The following LTBP1 variants were observed in gnomAD, a reference collection of about 807,000 sequenced individuals.
The protein encoded by LTBP1 is latent-transforming growth factor beta-binding protein 1.
LTBP1 carries 129 observed loss-of-function variants against 207.6 expected under a neutral mutation model. The observed-to-expected ratio is 0.62, with a 90% CI of 0.54 to 0.72. The LOEUF (loss-of-function observed/expected upper bound fraction) is 0.72. LTBP1 is among the 30% of genes least tolerant of loss of function. The pLI is 0.00. For missense variants in LTBP1, 2,281 were observed against 2,217.2 expected, an observed-to-expected ratio of 1.03 and a Z score of -0.58; for synonymous variants, 963 against 833.7, an observed-to-expected ratio of 1.16 and a Z score of -2.67.
chr2:33,227,116 A>T (rs1286231631), intron 9 of LTBP1, among the ~76,000 whole-genome samples: 1 of 151,560 alleles, frequency 6.6e-6, no homozygotes, highest in Non-Finnish European at 1.5e-5. Context: ...GCTCACTGCA[A>T]CCTCCGCTTC....
rs567587290 is a variant in LTBP1, at chr2:33,389,127, G to A, written c.4712-57G>A. ...TCCCGTTGCTCTGAGCTGCGAGGGGGTGGGGCAGGTGCGAGCTAACAGTGG... is the reference window on the plus strand; with the variant it reads ...TCCCGTTGCTCTGAGCTGCGAGGGGATGGGGCAGGTGCGAGCTAACAGTGG... On this transcript the variant is annotated intron_variant, in intron 31 of 33. Transcript: ENST00000404816. 16 of 1,609,848 alleles carry A rather than the reference G, an allele frequency of 9.9e-6. No individual in the cohort carries two copies. In the African/African-American group the frequency reaches 1.7e-4, roughly 17 times the overall value.
intron 18 of LTBP1, among the ~76,000 whole-genome samples, chr2:33,277,969 A>G (rs1388488720): frequency 6.6e-6 from 1 of 150,606 alleles, no homozygotes; most frequent in Non-Finnish European, 1.5e-5. Context: ...AGCTGGGACT[A>G]CAGGTGACCG....
At chr2:33,201,333 G>T (rs993953574) in intron 7 of LTBP1, among the ~76,000 whole-genome samples, 13 of 151,986 alleles carry the variant, frequency 8.6e-5, no homozygotes, top group East Asian at 3.9e-4. Context: ...TGTAGGGACA[G>T]GGATGAAATT....
chr2:33,083,645 C>T (rs1480061198), intron 3 of LTBP1, among the ~76,000 whole-genome samples: 8 of 152,142 alleles, frequency 5.3e-5, no homozygotes, highest in Non-Finnish European at 7.3e-5. Context: ...TAGTACAGCT[C>T]GTGCCCTGTG....
chr2:33,389,035 C>T, intron 31 of LTBP1, 149 bp from the exon 32 acceptor site: 1 of 1,092,490 alleles, frequency 9.2e-7, no homozygotes, highest in Non-Finnish European at 1.3e-6. Context: ...AAAAGATATT[C>T]AGACACTTTC....
chr2:32,991,376 A>G (rs184119737), intron 2 of LTBP1, among the ~76,000 whole-genome samples: 1 of 152,346 alleles, frequency 6.6e-6, no homozygotes, highest in East Asian at 1.9e-4. Flanking sequence ...TTTTCTTGAA[A>G]TATAGTTGTT....
chr2:33,166,147 T>C (rs1365020060), intron 5 of LTBP1, among the ~76,000 whole-genome samples: 1 of 152,022 alleles, frequency 6.6e-6, no homozygotes, highest in African/African-American at 2.4e-5. Flanking sequence ...GGTAAATTTA[T>C]TAGTTTATAA....
intron 19 of LTBP1, among the ~76,000 whole-genome samples, chr2:33,289,568 G>C (rs1313196465): frequency 2.0e-5 from 3 of 152,050 alleles, no homozygotes; most frequent in African/African-American, 7.2e-5. Flanking sequence ...GGCTTGCTGT[G>C]GTGGCCAGAC....
At chr2:33,340,726 T>C (rs1020849315) in intron 24 of LTBP1, among the ~76,000 whole-genome samples, 3 of 152,230 alleles carry the variant, frequency 2.0e-5, no homozygotes, top group African/African-American at 7.2e-5. Flanking sequence ...ACATGTACTA[T>C]ATTGGATGTC....
At chr2:33,250,720 G>A (rs557147022) in intron 10 of LTBP1, among the ~76,000 whole-genome samples, 133 of 152,304 alleles carry the variant, frequency 8.7e-4, no homozygotes, top group African/African-American at 3.1e-3. Context: ...GCTCATGCAT[G>A]CTGGGTCCCA....
At chr2:33,309,113 T>C (rs2094142606) in intron 22 of LTBP1, among the ~76,000 whole-genome samples, 1 of 151,878 alleles carries the variant, frequency 6.6e-6, no homozygotes. Flanking sequence ...TGAAACCCCA[T>C]CTCTACTAAA....
At chr2:33,104,457 T>G (rs2079937306) in intron 3 of LTBP1, among the ~76,000 whole-genome samples, 1 of 152,228 alleles carries the variant, frequency 6.6e-6, no homozygotes, top group East Asian at 1.9e-4. Context: ...TGGTTTAGAT[T>G]AGTGACCTTC....
intron 25 of LTBP1, 100 bp downstream of exon 25, chr2:33,343,063 C>A (rs958871403): frequency 1.5e-6 from 2 of 1,319,088 alleles, no homozygotes; most frequent in African/African-American, 2.9e-5. Context: ...TTGGGTAGAG[C>A]TTTATCGTAA....
intron 8 of LTBP1, among the ~76,000 whole-genome samples, chr2:33,219,427 T>C (rs2090944458): frequency 6.6e-6 from 1 of 152,236 alleles, no homozygotes; most frequent in African/African-American, 2.4e-5. Flanking sequence ...AAAATTTTAG[T>C]GTTTGAAGTT....
chr2:32,959,616 T>C (rs1016134560), intron 2 of LTBP1, among the ~76,000 whole-genome samples: 1 of 49,234 alleles, frequency 2.0e-5, no homozygotes, highest in African/African-American at 5.5e-5. Flanking sequence ...TATATATATA[T>C]ATATATTTTT....
intron 3 of LTBP1, among the ~76,000 whole-genome samples, chr2:33,035,707 T>C (rs1021257481): frequency 1.1e-4 from 17 of 152,240 alleles, no homozygotes; most frequent in African/African-American, 4.1e-4. Flanking sequence ...TTTGTTAGAA[T>C]TGAGTTCACA....
chr2:33,250,116 C>T (rs983003981), intron 10 of LTBP1, among the ~76,000 whole-genome samples: 17 of 151,980 alleles, frequency 1.1e-4, no homozygotes, highest in African/African-American at 2.7e-4. Flanking sequence ...TCATATTGAC[C>T]GGAGTGTGAA....
chr2:33,048,257 C>G (rs2076546083), intron 3 of LTBP1, among the ~76,000 whole-genome samples: 1 of 152,198 alleles, frequency 6.6e-6, no homozygotes. Flanking sequence ...AGCTGTGTGA[C>G]TGTAACTGAA....
chr2:33,148,989 C>T (rs541304338), intron 5 of LTBP1, among the ~76,000 whole-genome samples: 32 of 152,024 alleles, frequency 2.1e-4, no homozygotes, highest in Admixed American at 6.5e-4. Context: ...CCGAGGTAGG[C>T]GGATCACGAG....
Sources: allele counts gnomAD v4.1 joint callset (sites outside exome capture counted in the v4.1 genomes callset), GRCh38; gene constraint gnomAD v4.1.1; transcripts MANE v1.5; gene names NCBI Gene and HGNC (gene_info 2026-07-23, HGNC 2026-07-21).